TMT1A: variants seen among roughly 807,000 people sequenced by gnomAD.
TMT1A encodes the protein thiol S-methyltransferase TMT1A.
chr12:50,930,403 C>T, the TMT1A span: 1 of 289,810 alleles, frequency 3.5e-6, no homozygotes, highest in Non-Finnish European at 6.4e-6. Context: ...CCTCAGCCTC[C>T]CTAGTAGCTG....
chr12:50,925,421 A>C, the TMT1A span: 1 of 1,614,230 alleles, frequency 6.2e-7, no homozygotes. Flanking sequence ...GCTGCCGGGG[A>C]GAACATGCAC....
At chr12:50,930,999 C>T in the TMT1A span, 1 of 152,154 alleles carries the variant, frequency 6.6e-6, no homozygotes, top group Non-Finnish European at 1.5e-5. Context: ...TTGAACTCCC[C>T]CTTCAAAGGA....
the TMT1A span, chr12:50,930,536 C>G: frequency 6.3e-6 from 1 of 157,566 alleles, no homozygotes; most frequent in East Asian, 1.9e-4. Context: ...CCTCAGCCTC[C>G]CAAAGTGCTG....
At chr12:50,930,235 A>T in the TMT1A span, 2 of 1,143,640 alleles carry the variant, frequency 1.7e-6, no homozygotes, top group South Asian at 2.0e-5. Context: ...GAGAAGAGAA[A>T]CCTTTTTTTT....
At chr12:50,929,322 A>G in the TMT1A span, among the ~76,000 whole-genome samples, 1 of 152,180 alleles carries the variant, frequency 6.6e-6, no homozygotes. Flanking sequence ...TAATTTGGGG[A>G]AACTCCATCA....
At chr12:50,929,076 A>T in the TMT1A span, among the ~76,000 whole-genome samples, 58 of 149,526 alleles carry the variant, frequency 3.9e-4, no homozygotes, top group African/African-American at 1.4e-3. Context: ...TGTCTCTATA[A>T]AAAAAAAAAT....
chr12:50,930,585 T>TTTTTG, the TMT1A span: 1 of 153,292 alleles, frequency 6.5e-6, no homozygotes, highest in Admixed American at 6.5e-5. Flanking sequence ...GCTTAAGGTT[T>TTTTTG]TTTTGTTTTG....
chr12:50,930,055 C>A, the TMT1A span: 3 of 1,614,036 alleles, frequency 1.9e-6, no homozygotes, highest in Non-Finnish European at 1.7e-6. Flanking sequence ...GGCCCTGGAG[C>A]GGGCCAGCTT....
At chr12:50,927,117 T>C in the TMT1A span, among the ~76,000 whole-genome samples, 21,593 of 152,122 alleles carry the variant, frequency 0.14, 1,638 homozygotes, top group South Asian at 0.24. Flanking sequence ...CCTGCTGGAC[T>C]CAAGCAATCT....
the TMT1A span, among the ~76,000 whole-genome samples, chr12:50,926,172 A>G: frequency 4.6e-5 from 7 of 152,172 alleles, no homozygotes; most frequent in African/African-American, 1.4e-4. Flanking sequence ...AAGACATTAC[A>G]TGTCAATAAG....
chr12:50,930,477 T>C, the TMT1A span: 2 of 176,490 alleles, frequency 1.1e-5, no homozygotes, highest in Non-Finnish European at 2.4e-5. Context: ...AGGGTTTCAC[T>C]ACGTTGGCCA....
the TMT1A span, chr12:50,925,424 A>C: frequency 6.2e-7 from 1 of 1,614,178 alleles, no homozygotes; most frequent in South Asian, 1.1e-5. Flanking sequence ...GCCGGGGAGA[A>C]CATGCACCAG....
chr12:50,925,350 G>A, the TMT1A span: 32 of 1,614,126 alleles, frequency 2.0e-5, no homozygotes, highest in Non-Finnish European at 2.5e-5. Flanking sequence ...CCAACTTTGA[G>A]AAGTTTTTGA....
the TMT1A span, chr12:50,925,087 T>C: frequency 1.5e-5 from 25 of 1,614,094 alleles, no homozygotes; most frequent in South Asian, 2.3e-4. Context: ...CATCCTGACA[T>C]TTCCCTTGTA....
the TMT1A span, chr12:50,925,464 C>G: frequency 1.2e-6 from 2 of 1,614,174 alleles, no homozygotes; most frequent in Non-Finnish European, 1.7e-6. Context: ...ATGTGGTGGT[C>G]TGCACCCTGG....
the TMT1A span, chr12:50,931,183 T>C: frequency 6.6e-6 from 1 of 150,686 alleles, no homozygotes; most frequent in African/African-American, 2.4e-5. Flanking sequence ...CCTGGAGAAA[T>C]GGGTTACCCC....
At chr12:50,930,262 G>A in the TMT1A span, 2 of 868,500 alleles carry the variant, frequency 2.3e-6, no homozygotes, top group Non-Finnish European at 3.3e-6. Flanking sequence ...CGGTTTTTTT[G>A]GTTTGTTGTT....
At chr12:50,925,121 G>A in the TMT1A span, 10 of 1,614,028 alleles carry the variant, frequency 6.2e-6, no homozygotes, top group East Asian at 2.2e-4. Context: ...CTGGGCTTGT[G>A]GAGCTGGATA....
the TMT1A span, chr12:50,925,337 A>C: frequency 6.2e-7 from 1 of 1,614,064 alleles, no homozygotes; most frequent in African/African-American, 1.3e-5. Context: ...ATTGACCCCA[A>C]CCCCAACTTT....
Sources: allele counts gnomAD v4.1 joint callset (sites outside exome capture counted in the v4.1 genomes callset), GRCh38; gene constraint gnomAD v4.1.1; transcripts MANE v1.5; gene names NCBI Gene and HGNC (gene_info 2026-07-23, HGNC 2026-07-21).